Variants in DCC observed in about 807,000 individuals in gnomAD.
The protein encoded by DCC is DCC netrin 1 receptor.
In DCC, 58 loss-of-function variants were observed where a neutral mutation model predicts 172.5. That is an observed-to-expected ratio of 0.34 (90% confidence interval 0.27 to 0.42). The LOEUF (loss-of-function observed/expected upper bound fraction) is 0.42, where lower values mean the gene tolerates loss of function less well. DCC is among the 10% of genes least tolerant of loss of function. The pLI is 1.00. For synonymous variants in DCC, 709 were observed against 644.5 expected, an observed-to-expected ratio of 1.10 and a Z score of -1.52; for missense variants, 1,740 against 1,791.0, an observed-to-expected ratio of 0.97 and a Z score of 0.51.
chr18:52,902,699 G>C (rs2039827338), intron 2 of DCC, among the ~76,000 whole-genome samples: 1 of 152,036 alleles, frequency 6.6e-6, no homozygotes. Context: ...TAAGACTGTT[G>C]CTGGGTTGTT....
intron 1 of DCC, among the ~76,000 whole-genome samples, chr18:52,408,038 A>C (rs1775663179): frequency 6.6e-6 from 1 of 152,120 alleles, no homozygotes; most frequent in African/African-American, 2.4e-5. Flanking sequence ...ATCTACTTAT[A>C]AATCTGCTGT....
intron 5 of DCC, among the ~76,000 whole-genome samples, chr18:53,048,136 T>C (rs1334113619): frequency 6.6e-6 from 1 of 151,986 alleles, no homozygotes; most frequent in Non-Finnish European, 1.5e-5. Flanking sequence ...GCCTTTATTT[T>C]AGGTTCAGGG....
chr18:52,849,915 AATAATGTCTT>A (rs1160285081), intron 2 of DCC, among the ~76,000 whole-genome samples: 1 of 152,196 alleles, frequency 6.6e-6, no homozygotes, highest in Non-Finnish European at 1.5e-5. Context: ...CAAGCCCAGA[AATAATGTCTT>A]ATAAGCCACG....
intron 1 of DCC, among the ~76,000 whole-genome samples, chr18:52,550,052 G>C (rs540494107): frequency 5.9e-5 from 9 of 151,966 alleles, no homozygotes; most frequent in African/African-American, 2.2e-4. Context: ...GTTCAAGGTG[G>C]ATATCAACAG....
At chr18:52,435,283 G>T (rs1987753969) in intron 1 of DCC, among the ~76,000 whole-genome samples, 1 of 152,048 alleles carries the variant, frequency 6.6e-6, no homozygotes, top group African/African-American at 2.4e-5. Flanking sequence ...AGTCCCTCTT[G>T]CCTGTGTGTG....
At chr18:52,798,063 G>GAAGGTTGCTTGCACA (rs375706085) in intron 2 of DCC, among the ~76,000 whole-genome samples, 11,859 of 151,352 alleles carry the variant, frequency 0.078, 607 homozygotes, top group Middle Eastern at 0.15. Context: ...TTGCTTGCAC[G>GAAGGTTGCTTGCACA]AAGGTTGCTT....
chr18:52,937,396 C>T (rs2040396903), intron 5 of DCC, among the ~76,000 whole-genome samples: 1 of 152,160 alleles, frequency 6.6e-6, no homozygotes, highest in Non-Finnish European at 1.5e-5. Context: ...CCTCCTCATT[C>T]CCTTCCATGT....
At chr18:52,486,584 G>T (rs2030236967) in intron 1 of DCC, among the ~76,000 whole-genome samples, 1 of 152,116 alleles carries the variant, frequency 6.6e-6, no homozygotes, top group Non-Finnish European at 1.5e-5. Flanking sequence ...ATCTAGTTAT[G>T]CTGCTGTACA....
intron 1 of DCC, among the ~76,000 whole-genome samples, chr18:52,631,105 C>A (rs187979254): frequency 1.3e-5 from 2 of 152,060 alleles, no homozygotes; most frequent in Non-Finnish European, 2.9e-5. Context: ...AAGTTTTGGC[C>A]GGAGGGGAGC....
intron 15 of DCC, among the ~76,000 whole-genome samples, chr18:53,359,464 T>C (rs2057920211): frequency 1.3e-5 from 2 of 152,168 alleles, no homozygotes; most frequent in Admixed American, 6.5e-5. Flanking sequence ...TTCTCCACTG[T>C]TAAAACTCCT....
At chr18:52,477,980 T>A (rs1472339123) in intron 1 of DCC, among the ~76,000 whole-genome samples, 4 of 152,028 alleles carry the variant, frequency 2.6e-5, no homozygotes, top group Non-Finnish European at 5.9e-5. Context: ...CCGCTAATTT[T>A]TTTATGTTTA....
At chr18:53,258,021 G>T (rs1320016177) in intron 12 of DCC, among the ~76,000 whole-genome samples, 1 of 152,142 alleles carries the variant, frequency 6.6e-6, no homozygotes, top group Non-Finnish European at 1.5e-5. Context: ...AGTATTCTCT[G>T]ATGGTAGCTT....
At chr18:53,332,826 G>A (rs2057545660) in intron 14 of DCC, among the ~76,000 whole-genome samples, 1 of 151,948 alleles carries the variant, frequency 6.6e-6, no homozygotes, top group Non-Finnish European at 1.5e-5. Flanking sequence ...AGTAAATGTT[G>A]CTGCATATAT....
intron 8 of DCC, among the ~76,000 whole-genome samples, chr18:53,172,856 G>A (rs1028951504): frequency 1.3e-5 from 2 of 151,904 alleles, no homozygotes; most frequent in Admixed American, 6.6e-5. Context: ...AGATTTAGAG[G>A]AGGAAGTTCC....
At chr18:53,396,857 T>C (rs766974580) in intron 17 of DCC, among the ~76,000 whole-genome samples, 1 of 152,074 alleles carries the variant, frequency 6.6e-6, no homozygotes, top group Non-Finnish European at 1.5e-5. Flanking sequence ...ATGCAGAAAA[T>C]TTCAAAAATT....
intron 5 of DCC, among the ~76,000 whole-genome samples, chr18:53,041,083 G>T (rs902679077): frequency 7.7e-6 from 1 of 129,610 alleles, no homozygotes; most frequent in South Asian, 2.4e-4. Context: ...AATTGCTTTT[G>T]GTGTTTTAGT....
intron 1 of DCC, among the ~76,000 whole-genome samples, chr18:52,485,062 C>A (rs998769779): frequency 6.6e-6 from 1 of 152,068 alleles, no homozygotes; most frequent in African/African-American, 2.4e-5. Context: ...AGACTTGGAG[C>A]ATGAAGGACC....
intron 27 of DCC, among the ~76,000 whole-genome samples, chr18:53,526,179 G>A (rs1447168938): frequency 3.9e-5 from 6 of 152,090 alleles, no homozygotes; most frequent in Admixed American, 3.9e-4. Flanking sequence ...ATGCTCATTT[G>A]TAGACCAGAG....
intron 1 of DCC, among the ~76,000 whole-genome samples, chr18:52,525,510 A>G (rs75958358): frequency 1.3e-5 from 2 of 152,352 alleles, no homozygotes; most frequent in African/African-American, 4.8e-5. Context: ...CACAAAGTGG[A>G]TGGCTGCTTT....
Sources: gnomAD v4.1 joint callset for allele counts (sites outside exome capture counted in the v4.1 genomes callset) on GRCh38, gnomAD v4.1.1 for gene constraint, MANE v1.5 for transcripts, NCBI Gene and HGNC (gene_info 2026-07-23, HGNC 2026-07-21) for gene names.